The following EPB41L5 variants were observed in gnomAD, a reference collection of about 807,000 sequenced individuals.
The protein encoded by EPB41L5 is erythrocyte membrane protein band 4.1 like 5.
A neutral mutation model predicts 106.6 loss-of-function variants in EPB41L5; 55 were observed. The ratio of observed to expected loss-of-function variants is 0.52; its 90% CI spans 0.42 to 0.65. The LOEUF (loss-of-function observed/expected upper bound fraction) is 0.65, where lower values mean the gene tolerates loss of function less well. Among genes scored for constraint, EPB41L5 ranks in the 30% least tolerant of loss-of-function variants. EPB41L5 has a pLI of 0.00. For missense variants in EPB41L5, 871 were observed against 882.1 expected (o/e 0.99, Z 0.16); for synonymous variants, 297 against 306.7 (o/e 0.97, Z 0.33).
intron 2 of EPB41L5, 128 bp downstream of exon 2, chr2:120,019,392 G>A (rs984739908): frequency 1.1e-5 from 8 of 756,688 alleles, no homozygotes; most frequent in Non-Finnish European, 1.6e-5. Context: ...TATAGATCAG[G>A]CACTGTAACA....
intron 10 of EPB41L5, 33 bp downstream of exon 10, chr2:120,078,614 G>A: frequency 6.8e-7 from 1 of 1,462,504 alleles, no homozygotes; most frequent in Non-Finnish European, 9.4e-7. Context: ...GATACTTACT[G>A]TTGTTTTGGT....
chr2:120,157,950 A>G (rs1686971821), intron 20 of EPB41L5, among the ~76,000 whole-genome samples: 2 of 152,156 alleles, frequency 1.3e-5, no homozygotes, highest in Non-Finnish European at 1.5e-5. Context: ...ACACATAACT[A>G]TCAGAGAATA....
intron 18 of EPB41L5, among the ~76,000 whole-genome samples, chr2:120,136,390 A>G (rs769450223): frequency 4.0e-4 from 60 of 151,624 alleles, no homozygotes; most frequent in Non-Finnish European, 6.8e-4. Flanking sequence ...AATGGCAATA[A>G]TAAATCCTTA....
In EPB41L5 at chr2:120,083,479, A is replaced by C. The variant is rs112351395; in HGVS notation, c.804-3692A>C. Among the ~76,000 whole-genome samples, 132 of 152,194 alleles carry C rather than the reference A, an allele frequency of 8.7e-4. No homozygotes were observed. The Middle Eastern group carries it at 0.01, about 12-fold the overall frequency. On this transcript the variant is annotated intron_variant, in intron 10 of 24. Coordinates refer to ENST00000263713, the MANE Select transcript of EPB41L5 (RefSeq NM_020909.4). ...TGTGGTCTGAGAGACAGTTTGTTAT[A>C]ATTTCTGTTCTTTTACATTTGCTGA...
intron 3 of EPB41L5, among the ~76,000 whole-genome samples, chr2:120,044,223 A>C (rs1052423143): frequency 4.0e-5 from 6 of 151,044 alleles, no homozygotes; most frequent in Admixed American, 1.3e-4. Flanking sequence ...CAGAGTTTCT[A>C]ATCTCTTGGT....
chr2:120,054,673 G>A (rs1034079678), intron 3 of EPB41L5, among the ~76,000 whole-genome samples: 8 of 151,900 alleles, frequency 5.3e-5, no homozygotes, highest in African/African-American at 1.7e-4. Context: ...GTTAATTTTT[G>A]TATATGCTAT....
chr2:120,080,096 A>G (rs1384467999), intron 10 of EPB41L5, among the ~76,000 whole-genome samples: 1 of 151,630 alleles, frequency 6.6e-6, no homozygotes, highest in Admixed American at 6.6e-5. Context: ...CAAAAAATTG[A>G]AAGTAGTATT....
intron 21 of EPB41L5, among the ~76,000 whole-genome samples, chr2:120,163,479 A>G (rs1401083423): frequency 4.0e-5 from 6 of 151,864 alleles, no homozygotes; most frequent in Non-Finnish European, 8.8e-5. Context: ...ATAGGGAGAG[A>G]GTTCATATTG....
chr2:120,050,697 G>A (rs558730853), intron 3 of EPB41L5, among the ~76,000 whole-genome samples: 1 of 152,220 alleles, frequency 6.6e-6, no homozygotes, highest in Admixed American at 6.5e-5. Flanking sequence ...TCCGTTTGTG[G>A]CGAGGAGCTG....
chr2:120,104,754 TTTAA>T, intron 16 of EPB41L5: 13 of 903,928 alleles, frequency 1.4e-5, no homozygotes, highest in Non-Finnish European at 1.7e-5. Flanking sequence ...TGCCTAAGAT[TTTAA>T]TTAATATAAT....
At position 120,177,673 on chromosome 2, in the gene EPB41L5, A is replaced by G. The variant is rs1687968534; in HGVS notation, c.*2766A>G. The G allele has an allele frequency of 6.6e-6, 1 of 152,230 alleles. No individual in the cohort carries two copies. The highest frequency in any genetic ancestry group is 1.5e-5 in the Non-Finnish European group (1 of 68,036). 9.4% of individuals were successfully genotyped at this position (152,230 alleles called of 1,614,324 possible). A position where few individuals can be genotyped will look rare whatever the true frequency, so the allele number is the denominator to read the frequency against. ...TCCTACTCTTCAGGAGACACTGCTG[A>G]ACAGAGGAATGATTCTGTTCCTTGT... On this transcript the variant is annotated 3_prime_UTR_variant, in exon 25 of 25. Transcript: ENST00000263713.
chr2:120,099,663 G>A (rs1158066733), intron 14 of EPB41L5, among the ~76,000 whole-genome samples: 2 of 152,028 alleles, frequency 1.3e-5, no homozygotes, highest in African/African-American at 2.4e-5. Context: ...TCCTGGCCTC[G>A]TGATCGCCCA....
At position 120,074,150 on chromosome 2, in the gene EPB41L5, C is replaced by A; in HGVS notation, c.379C>A (p.Pro127Thr). 1 of 1,612,660 alleles carries A rather than the reference C, an allele frequency of 6.2e-7. No homozygotes were observed. The highest frequency in any genetic ancestry group is 8.5e-7 in the Non-Finnish European group (1 of 1,179,272). ...TCGAGTTAAGTTTTATTCCTCAGAACCAAATAACCTTCGTGAGGAGCTAAC... is the reference window on the plus strand; with the variant it reads ...TCGAGTTAAGTTTTATTCCTCAGAAACAAATAACCTTCGTGAGGAGCTAAC... The part of the protein sequence containing the change: ...HLRVKFYSSE[P>T]NNLREELTRY... Residue 127 changes from proline (P) to threonine (T), a missense_variant, in exon 5 of 25, where the codon CCA becomes ACA. Pro to Thr is a conservative substitution (Grantham distance 38). Coordinates refer to ENST00000263713, the MANE Select transcript of EPB41L5 (RefSeq NM_020909.4).
intron 2 of EPB41L5, among the ~76,000 whole-genome samples, chr2:120,029,419 C>T (rs970819638): frequency 1.3e-5 from 2 of 152,134 alleles, no homozygotes; most frequent in Admixed American, 1.3e-4. Flanking sequence ...TGGCTTCGAG[C>T]TCCTGACCTG....
Position 120,167,223 on chromosome 2 carries a change from A to C in EPB41L5, c.1963-243A>C, listed in dbSNP as rs566859266. On this transcript the variant is annotated intron_variant, in intron 22 of 24. Coordinates refer to ENST00000263713, the MANE Select transcript of EPB41L5 (RefSeq NM_020909.4). Reference sequence around the variant, plus strand: ...AAGTAGTAATAGATTCTTGAATGGTAAATTTTTAGATAAGAGATTCTCAAA... The same window carrying C: ...AAGTAGTAATAGATTCTTGAATGGTCAATTTTTAGATAAGAGATTCTCAAA... Among the ~76,000 whole-genome samples, 10 of 152,336 alleles carry C rather than the reference A, an allele frequency of 6.6e-5. 1 individual carries two copies. In the South Asian group the frequency reaches 8.3e-4, roughly 13 times the overall value.
In EPB41L5 at chr2:120,061,464, C is replaced by T. The variant is rs528184687; in HGVS notation, c.286-11714C>T. On this transcript the variant is annotated intron_variant, in intron 3 of 24. Transcript: ENST00000263713. ...GGTCTCGATCTCCTGACCTCGTGAT[C>T]CGCCCGCCTCGGCCTCCCAAAGTGC... Among the ~76,000 whole-genome samples, 565 of 151,816 alleles carry T rather than the reference C, an allele frequency of 3.7e-3. 1 individual carries two copies. Among genetic ancestry groups the T allele is most frequent in the South Asian group, 6.7e-3 (32 of 4,800 alleles).
chr2:120,112,863 A>G (rs1412723346), intron 16 of EPB41L5, among the ~76,000 whole-genome samples: 1 of 152,210 alleles, frequency 6.6e-6, no homozygotes, highest in Non-Finnish European at 1.5e-5. Flanking sequence ...TCTATAAGGT[A>G]TTCAGGCTAG....
chr2:120,126,798 A>C (rs1045047753), intron 16 of EPB41L5, among the ~76,000 whole-genome samples: 3 of 152,202 alleles, frequency 2.0e-5, no homozygotes, highest in Non-Finnish European at 2.9e-5. Flanking sequence ...TTGGCTGGTC[A>C]ATTCTACAAA....
intron 16 of EPB41L5, among the ~76,000 whole-genome samples, chr2:120,123,229 T>C (rs1230790117): frequency 6.6e-6 from 1 of 152,102 alleles, no homozygotes; most frequent in Non-Finnish European, 1.5e-5. Context: ...CTAGAAAACC[T>C]GGTCCCCTGG....
Sources: allele counts gnomAD v4.1 joint callset (sites outside exome capture counted in the v4.1 genomes callset), GRCh38; gene constraint gnomAD v4.1.1; transcripts MANE v1.5; gene names NCBI Gene and HGNC (gene_info 2026-07-23, HGNC 2026-07-21).